TRAPPC11: variants seen among roughly 807,000 people sequenced by gnomAD.
TRAPPC11 encodes the protein foie gras homolog.
TRAPPC11 carries 104 observed loss-of-function variants against 151.2 expected under a neutral mutation model. The ratio of observed to expected loss-of-function variants is 0.69; its 90% CI spans 0.59 to 0.81. TRAPPC11 has a LOEUF of 0.81. Ranked by LOEUF, TRAPPC11 falls within the 30% of genes least tolerant of loss-of-function variation. The probability of loss-of-function intolerance (pLI) is 0.00; values close to 1 mark genes in which losing one functional copy is unlikely to be tolerated. For missense variants in TRAPPC11, 1,230 were observed against 1,349.6 expected, an observed-to-expected ratio of 0.91 and a Z score of 1.39; for synonymous variants, 456 against 472.3, an observed-to-expected ratio of 0.97 and a Z score of 0.45.
chr4:183,685,359 G>T lies in TRAPPC11; in HGVS notation c.1718G>T (p.Gly573Val), dbSNP rs1232844472. The change falls in exon 17 of 30, where the codon GGC (glycine) becomes GTC (valine). Residue 573 changes from glycine (G) to valine (V), a missense_variant. Coordinates refer to ENST00000334690, the MANE Select transcript of TRAPPC11 (RefSeq NM_021942.6). ...TGGGCAGACCGAATTTCTCTGGCTG[G>T]CAGCAATATTTTCACAATAGGAGTA... The part of the protein sequence containing the change: ...KLWADRISLA[G>V]SNIFTIGVQD... 2 of 1,613,998 alleles carry T rather than the reference G, an allele frequency of 1.2e-6. No homozygotes were observed. Among genetic ancestry groups the T allele is most frequent in the Admixed American group, 3.3e-5 (2 of 59,996 alleles).
At chr4:183,672,802 A>C (rs1735217156) in intron 5 of TRAPPC11, among the ~76,000 whole-genome samples, 1 of 152,124 alleles carries the variant, frequency 6.6e-6, no homozygotes, top group South Asian at 2.1e-4. Context: ...CTTATCTTTG[A>C]TATTTACTGA....
At chr4:183,700,852 T>A (rs1160653932) in intron 25 of TRAPPC11, 1 of 152,094 alleles carries the variant, frequency 6.6e-6, no homozygotes, top group Non-Finnish European at 1.5e-5. Context: ...AAAAAAAAAT[T>A]TATTTTCATT....
chr4:183,661,507 G>A lies in TRAPPC11; in HGVS notation c.-22+2060G>A, dbSNP rs569906744. Reference sequence around the variant, plus strand: ...CTGCCTCAGCCTCCCGAGTAGCTGGGACTACAGGCGCCCACCACCATACTC... The same window carrying A: ...CTGCCTCAGCCTCCCGAGTAGCTGGAACTACAGGCGCCCACCACCATACTC... On this transcript the variant is annotated intron_variant, in intron 1 of 29. Transcript: ENST00000334690. 2.0e-5 allele frequency among the ~76,000 whole-genome samples: 3 copies of A among 151,266 alleles called. No individual in the cohort carries two copies. In the South Asian group the frequency reaches 6.2e-4, roughly 31 times the overall value.
intron 2 of TRAPPC11, among the ~76,000 whole-genome samples, chr4:183,665,211 C>T (rs1196224285): frequency 6.8e-6 from 1 of 146,256 alleles, no homozygotes. Context: ...TCTCCTGCTT[C>T]AGCCTCCCGA....
chr4:183,678,722 T>C (rs1241767039), intron 8 of TRAPPC11, among the ~76,000 whole-genome samples: 3 of 152,226 alleles, frequency 2.0e-5, no homozygotes, highest in Non-Finnish European at 4.4e-5. Flanking sequence ...GGAAATTAGA[T>C]GGCTGAGAGA....
In TRAPPC11 at chr4:183,684,369, G is replaced by C. The variant is rs375475926; in HGVS notation, c.1421+10G>C. 21 of 1,608,508 alleles carry C rather than the reference G, an allele frequency of 1.3e-5. No homozygotes were observed. The East Asian group carries it at 3.8e-4, about 29-fold the overall frequency. On this transcript the variant is annotated intron_variant, in intron 14 of 29. Coordinates refer to ENST00000334690, the MANE Select transcript of TRAPPC11 (RefSeq NM_021942.6). ...ATACCAAAGCTTTGAAGTGAGTCCT[G>C]TTCACTATTTACTTTTACAAGTATT...
At chr4:183,664,834 A>G (rs1734761134) in intron 2 of TRAPPC11, among the ~76,000 whole-genome samples, 1 of 151,880 alleles carries the variant, frequency 6.6e-6, no homozygotes, top group South Asian at 2.1e-4. Context: ...TTTGCCCTAG[A>G]GCAGTGTCTC....
At chr4:183,692,912 C>T in intron 19 of TRAPPC11, 48 bp from the exon 20 acceptor site, 1 of 1,523,008 alleles carries the variant, frequency 6.6e-7, no homozygotes. Context: ...GAGATGGTGA[C>T]AAGCACATAT....
Position 183,667,862 on chromosome 4 carries a change from C to T in TRAPPC11, c.446-141C>T, listed in dbSNP as rs920090448. On this transcript the variant is annotated intron_variant, in intron 4 of 29. Coordinates refer to ENST00000334690, the MANE Select transcript of TRAPPC11 (RefSeq NM_021942.6). ...AGAACCACACAGAGCTCTCAAGGAG[C>T]CCAGGAGTCCTGTTGGTGTGATGAA... The T allele has an allele frequency of 1.6e-5, 11 of 669,098 alleles. No individual in the cohort carries two copies. In the East Asian group the frequency reaches 2.6e-4, roughly 16 times the overall value. 41.4% of individuals were successfully genotyped at this position (669,098 alleles called of 1,614,324 possible). A position where few individuals can be genotyped will look rare whatever the true frequency, so the allele number is the denominator to read the frequency against.
At chr4:183,689,106 G>T (rs1243882339) in intron 18 of TRAPPC11, among the ~76,000 whole-genome samples, 1 of 152,068 alleles carries the variant, frequency 6.6e-6, no homozygotes, top group Non-Finnish European at 1.5e-5. Context: ...CTTTATTCTA[G>T]TAGCAAAATA....
chr4:183,705,113 T>TTA, intron 27 of TRAPPC11, 43 bp downstream of exon 27: 1 of 1,317,108 alleles, frequency 7.6e-7, no homozygotes, highest in African/African-American at 1.4e-5. Flanking sequence ...GACCCAATAA[T>TTA]AATAGTTATT....
chr4:183,706,387 G>A (rs190738321), intron 27 of TRAPPC11, among the ~76,000 whole-genome samples: 124 of 152,224 alleles, frequency 8.1e-4, no homozygotes, highest in Non-Finnish European at 1.3e-3. Flanking sequence ...GCCAGACATG[G>A]TGGCGGGCAC....
chr4:183,663,623 C>T (rs1411963979), intron 1 of TRAPPC11, among the ~76,000 whole-genome samples: 1 of 152,106 alleles, frequency 6.6e-6, no homozygotes, highest in Non-Finnish European at 1.5e-5. Context: ...CCTGCTTCGG[C>T]CTCCCAAAGT....
Position 183,671,690 on chromosome 4 carries a change from C to T in TRAPPC11, c.561-3023C>T, listed in dbSNP as rs923515659. 3.9e-5 allele frequency among the ~76,000 whole-genome samples: 6 copies of T among 152,176 alleles called. No individual in the cohort carries two copies. In the South Asian group the frequency reaches 6.2e-4, roughly 16 times the overall value. ...GCTAGAATGTCCTTCACCTGAAAAC[C>T]GGTAGCTCTCTTTCCTGGAATCGGT... On this transcript the variant is annotated intron_variant, in intron 5 of 29. Coordinates refer to ENST00000334690, the MANE Select transcript of TRAPPC11 (RefSeq NM_021942.6).
rs1415484150 is a variant in TRAPPC11, at chr4:183,684,227, T to C, written c.1366+4T>C. On this transcript the variant is annotated splice_donor_region_variant and intron_variant, in intron 13 of 29. Transcript: ENST00000334690. ...CCGCGAATGAAAAGTCACCTAAGTATGTATCCACAAACGTCACCATTGCAT... is the reference window on the plus strand; with the variant it reads ...CCGCGAATGAAAAGTCACCTAAGTACGTATCCACAAACGTCACCATTGCAT... 1 of 1,613,826 alleles carries C rather than the reference T, an allele frequency of 6.2e-7. No individual in the cohort carries two copies. The highest frequency in any genetic ancestry group is 2.2e-5 in the East Asian group (1 of 44,848).
chr4:183,708,673 C>A, intron 29 of TRAPPC11, 99 bp downstream of exon 29: 1 of 1,131,582 alleles, frequency 8.8e-7, no homozygotes, highest in Non-Finnish European at 1.3e-6. Context: ...TTGAGACCAA[C>A]AGTGATAGTT....
chr4:183,668,345 C>A (rs570932977), intron 5 of TRAPPC11, among the ~76,000 whole-genome samples: 1 of 151,384 alleles, frequency 6.6e-6, no homozygotes, highest in South Asian at 2.1e-4. Context: ...CAAAAAAAGT[C>A]TTTTTGTATA....
In TRAPPC11 at chr4:183,708,394, T is replaced by G; in HGVS notation, c.3190-13T>G. Reference sequence around the variant, plus strand: ...TATTTGATTATCTTTCTCTGTGACTTTTTATGATGCAGATTCGATTACGTA... The same window carrying G: ...TATTTGATTATCTTTCTCTGTGACTGTTTATGATGCAGATTCGATTACGTA... On this transcript the variant is annotated splice_polypyrimidine_tract_variant and intron_variant, in intron 28 of 29. Coordinates refer to ENST00000334690, the MANE Select transcript of TRAPPC11 (RefSeq NM_021942.6). The G allele has an allele frequency of 1.2e-6, 2 of 1,607,260 alleles. No individual in the cohort carries two copies. The highest frequency in any genetic ancestry group is 1.7e-6 in the Non-Finnish European group (2 of 1,176,532).
rs758522491 is a variant in TRAPPC11, at chr4:183,705,016, G to A, written c.3001G>A (p.Val1001Ile). 17 of 1,602,352 alleles carry A rather than the reference G, an allele frequency of 1.1e-5. No individual in the cohort carries two copies. In the Admixed American group the frequency reaches 2.7e-4, roughly 25 times the overall value. Residue 1001 changes from valine to isoleucine, a missense_variant, in exon 27 of 30, where the codon GTC becomes ATC. By Grantham distance (29) the Val-to-Ile change is conservative. Transcript: ENST00000334690. ...AMENIPIITT[V>I]ITLPHVIVEN... ...GGAGAATATCCCCATCATCACAACT[G>A]TCATCACTCTGCCGCACGTGATTGT...
Sources: gnomAD v4.1 joint callset for allele counts (sites outside exome capture counted in the v4.1 genomes callset) on GRCh38, gnomAD v4.1.1 for gene constraint, MANE v1.5 for transcripts, NCBI Gene and HGNC (gene_info 2026-07-23, HGNC 2026-07-21) for gene names.